Variants in HPSE2 observed in about 807,000 individuals in gnomAD.
HPSE2 encodes the protein heparanase 2 (inactive), also known as inactive heparanase-2.
In HPSE2, 38 loss-of-function variants were observed where a neutral mutation model predicts 60.5. That is an observed-to-expected ratio of 0.63 (90% CI 0.48 to 0.82). HPSE2 has a LOEUF of 0.82. HPSE2 is among the 40% of genes least tolerant of loss of function. The probability of loss-of-function intolerance (pLI) is 0.00; values close to 1 mark genes in which losing one functional copy is unlikely to be tolerated. For missense variants in HPSE2, 713 were observed against 740.4 expected (o/e 0.96, Z 0.43); for synonymous variants, 295 against 293.2 (o/e 1.01, Z -0.06).
the HPSE2 span, among the ~76,000 whole-genome samples, chr10:99,301,203 C>G: frequency 6.6e-6 from 1 of 152,104 alleles, no homozygotes; most frequent in Admixed American, 6.5e-5. Context: ...CAGTTCTTCC[C>G]CAAGGTTTTA....
chr10:98,808,243 C>T (rs1238442776), intron 3 of HPSE2, among the ~76,000 whole-genome samples: 1 of 152,110 alleles, frequency 6.6e-6, no homozygotes, highest in Non-Finnish European at 1.5e-5. Context: ...CCCCTCAAAC[C>T]CTCTCAGAAA....
Position 98,659,648 on chromosome 10 carries a change from T to C in HPSE2, c.1005-17708A>G, listed in dbSNP as rs74548565. 5.2e-3 allele frequency among the ~76,000 whole-genome samples: 787 copies of C among 152,344 alleles called. 7 individuals carry two copies. The highest frequency in any genetic ancestry group is 0.017 in the African/African-American group (726 of 41,572). ...ATTCATGAACATATATTTGTTTGAATGCCTGTTTTCAATTCTTTGGAGCAT... is the reference window on the plus strand; with the variant it reads ...ATTCATGAACATATATTTGTTTGAACGCCTGTTTTCAATTCTTTGGAGCAT... On this transcript the variant is annotated intron_variant, in intron 6 of 11. Coordinates refer to ENST00000370552, the MANE Select transcript of HPSE2 (RefSeq NM_021828.5).
intron 11 of HPSE2, among the ~76,000 whole-genome samples, chr10:98,482,036 C>G (rs529743516): frequency 6.6e-6 from 1 of 152,240 alleles, no homozygotes; most frequent in South Asian, 2.1e-4. Flanking sequence ...ACAGAGCCCT[C>G]AAAATATAAT....
At chr10:98,569,850 G>A (rs1366729514) in intron 9 of HPSE2, among the ~76,000 whole-genome samples, 1 of 152,082 alleles carries the variant, frequency 6.6e-6, no homozygotes, top group Non-Finnish European at 1.5e-5. Flanking sequence ...TTCAGACCAG[G>A]ACTGATGCCC....
At chr10:98,871,942 A>G (rs1289153302) in intron 3 of HPSE2, among the ~76,000 whole-genome samples, 1 of 152,178 alleles carries the variant, frequency 6.6e-6, no homozygotes, top group African/African-American at 2.4e-5. Flanking sequence ...AATGCAAAAA[A>G]TAAATTGATT....
At chr10:99,016,569 T>C (rs572769120) in intron 3 of HPSE2, among the ~76,000 whole-genome samples, 2 of 152,182 alleles carry the variant, frequency 1.3e-5, no homozygotes, top group Non-Finnish European at 2.9e-5. Flanking sequence ...CTGTGAACAA[T>C]GTCAATGGTA....
intron 3 of HPSE2, among the ~76,000 whole-genome samples, chr10:99,066,806 A>T (rs1842632980): frequency 6.6e-6 from 1 of 151,938 alleles, no homozygotes; most frequent in African/African-American, 2.4e-5. Context: ...ATGTCCTCAC[A>T]TTTCAAAACC....
intron 9 of HPSE2, among the ~76,000 whole-genome samples, chr10:98,590,696 T>C (rs902600690): frequency 7.9e-5 from 12 of 152,282 alleles, no homozygotes; most frequent in African/African-American, 2.9e-4. Flanking sequence ...CAACTTCCAA[T>C]AGCTTTCCCA....
intron 2 of HPSE2, among the ~76,000 whole-genome samples, chr10:99,163,143 C>T (rs189395005): frequency 1.7e-3 from 262 of 151,448 alleles, no homozygotes; most frequent in African/African-American, 5.7e-3. Context: ...CCCAGGAGGC[C>T]GAGCTTGCAG....
chr10:99,026,963 C>T lies in HPSE2; in HGVS notation c.610+117275G>A, dbSNP rs1475615875. ...ACAAAATACCAAAACCTGTGGGATA[C>T]AGCAAAGGAAGTACTATGGGAATTT... On this transcript the variant is annotated intron_variant, in intron 3 of 11. Coordinates refer to ENST00000370552, the MANE Select transcript of HPSE2 (RefSeq NM_021828.5). Among the ~76,000 whole-genome samples, 3 of 151,974 alleles carry T rather than the reference C, an allele frequency of 2.0e-5. No individual in the cohort carries two copies. In the East Asian group the frequency reaches 5.8e-4, roughly 29 times the overall value.
In HPSE2 at chr10:98,765,799, C is replaced by T. The variant is rs558033008; in HGVS notation, c.611-21743G>A. On this transcript the variant is annotated intron_variant, in intron 3 of 11. Transcript: ENST00000370552. The stretch of plus-strand genomic sequence containing the variant: ...CAGAGGTTGCAATGAGCCAAGATCA[C>T]GCCACTGCACTCCAGCCTGGGTGAC... 3.3e-4 allele frequency among the ~76,000 whole-genome samples: 50 copies of T among 152,046 alleles called. No homozygotes were observed. The South Asian group carries it at 8.1e-3, about 25-fold the overall frequency.
At chr10:98,890,574 A>T (rs1212147817) in intron 3 of HPSE2, among the ~76,000 whole-genome samples, 1 of 152,204 alleles carries the variant, frequency 6.6e-6, no homozygotes, top group Non-Finnish European at 1.5e-5. Flanking sequence ...TTCTCCTTTA[A>T]TTTTTTTCAA....
At chr10:99,283,910 C>A in the HPSE2 span, among the ~76,000 whole-genome samples, 1 of 152,036 alleles carries the variant, frequency 6.6e-6, no homozygotes, top group African/African-American at 2.4e-5. Context: ...AAGAAAAGTC[C>A]AGAACTGGAT....
chr10:98,960,371 G>A (rs1327368238), intron 3 of HPSE2, among the ~76,000 whole-genome samples: 5 of 151,786 alleles, frequency 3.3e-5, no homozygotes, highest in African/African-American at 9.7e-5. Context: ...TTTTAGTTAC[G>A]GTCTATTTAT....
rs1259990579 is a variant in HPSE2 at position 99,013,343 on chromosome 10, CCT to C, written c.610+130893_610+130894del. On this transcript the variant is annotated intron_variant, in intron 3 of 11. Coordinates refer to ENST00000370552, the MANE Select transcript of HPSE2 (RefSeq NM_021828.5). Reference sequence around the variant, plus strand: ...TATAGAGTTCTCTAGTTACAGAAATCCTCTCTCTGTCTGTACTGTTCACAGCA... The same window carrying C: ...TATAGAGTTCTCTAGTTACAGAAATCCTCTCTGTCTGTACTGTTCACAGCA... The C allele has an allele frequency of 4.6e-5, 28 of 612,562 alleles. 1 individual carries two copies. The highest frequency in any genetic ancestry group is 3.4e-4 in the South Asian group (23 of 67,746). The allele number at this position is 612,562 out of a possible 1,614,324, so 37.9% of individuals were successfully genotyped here.
At chr10:98,597,508 A>G (rs1945273028) in intron 9 of HPSE2, among the ~76,000 whole-genome samples, 1 of 151,278 alleles carries the variant, frequency 6.6e-6, no homozygotes, top group Admixed American at 6.6e-5. Context: ...CTACTAAAAA[A>G]AAAAAAAAGA....
chr10:99,159,142 A>C (rs1227010732), intron 2 of HPSE2, among the ~76,000 whole-genome samples: 1 of 151,820 alleles, frequency 6.6e-6, no homozygotes, highest in Non-Finnish European at 1.5e-5. Flanking sequence ...CGAAGCAAGC[A>C]AAAAAAAGAA....
At chr10:98,805,772 T>C (rs1382294557) in intron 3 of HPSE2, among the ~76,000 whole-genome samples, 2 of 152,150 alleles carry the variant, frequency 1.3e-5, no homozygotes, top group Admixed American at 6.6e-5. Flanking sequence ...CATTTATGAA[T>C]TGTAATTAAT....
chr10:98,823,325 A>G (rs1951465711), intron 3 of HPSE2, among the ~76,000 whole-genome samples: 2 of 152,224 alleles, frequency 1.3e-5, no homozygotes, highest in South Asian at 4.1e-4. Context: ...ATTACTATAA[A>G]GATAAATAAT....
Sources: gnomAD v4.1 joint callset for allele counts (sites outside exome capture counted in the v4.1 genomes callset) on GRCh38, gnomAD v4.1.1 for gene constraint, MANE v1.5 for transcripts, NCBI Gene and HGNC (gene_info 2026-07-23, HGNC 2026-07-21) for gene names.